PKP1: variants seen among roughly 807,000 people sequenced by gnomAD.
PKP1 encodes the protein plakophilin 1.
Under a neutral mutation model 76.4 loss-of-function variants are expected in PKP1, and 27 were observed. The observed-to-expected ratio is 0.35, with a 90% CI of 0.26 to 0.49. The LOEUF is 0.49. Among genes scored for constraint, PKP1 ranks in the 20% least tolerant of loss-of-function variants. PKP1 has a pLI of 0.99. For synonymous variants in PKP1, 404 were observed against 384.2 expected, an observed-to-expected ratio of 1.05 and a Z score of -0.60; for missense variants, 964 against 955.2, an observed-to-expected ratio of 1.01 and a Z score of -0.12.
chr1:201,292,416 G>A (rs1655945061), intron 1 of PKP1, among the ~76,000 whole-genome samples: 1 of 152,178 alleles, frequency 6.6e-6, no homozygotes, highest in Admixed American at 6.5e-5. Context: ...AGGGCAAGCT[G>A]TGTCTGCCAC....
intron 2 of PKP1, among the ~76,000 whole-genome samples, chr1:201,304,328 T>C (rs1829998): frequency 0.15 from 22,110 of 152,218 alleles, 2,048 homozygotes; most frequent in African/African-American, 0.26. Context: ...TCAGCCCCAG[T>C]TGTGTGTGCT....
At chr1:201,303,933 C>T (rs935922379) in intron 2 of PKP1, among the ~76,000 whole-genome samples, 10 of 152,204 alleles carry the variant, frequency 6.6e-5, no homozygotes, top group Admixed American at 3.9e-4. Context: ...CTCCCCTCAC[C>T]GAGGTGACCT....
In PKP1 at chr1:201,313,212, G is replaced by A; in HGVS notation, c.353G>A (p.Ser118Asn). Residue 118 changes from serine to asparagine, a missense_variant, in exon 3 of 14, where the codon AGC (serine) becomes AAC (asparagine). Transcript: ENST00000367324. The part of the protein sequence containing the change: ...LKREPDNRRF[S>N]SYSQMENWSR... ...CGGGAGCCTGACAACAGGCGCTTCA[G>A]CTCCTACAGCCAGATGGAGAACTGG... 1 of 1,606,174 alleles carries A rather than the reference G, an allele frequency of 6.2e-7. No individual in the cohort carries two copies. The highest frequency in any genetic ancestry group is 8.5e-7 in the Non-Finnish European group (1 of 1,176,756).
chr1:201,297,364 G>A (rs1257723319), intron 2 of PKP1, among the ~76,000 whole-genome samples: 1 of 152,186 alleles, frequency 6.6e-6, no homozygotes, highest in Non-Finnish European at 1.5e-5. Context: ...AGACCTCAGG[G>A]AGAGGAAGCA....
intron 2 of PKP1, 67 bp downstream of exon 2, chr1:201,294,112 A>G (rs1420916981): frequency 1.9e-6 from 2 of 1,078,216 alleles, no homozygotes; most frequent in Non-Finnish European, 2.8e-6. Flanking sequence ...TTTATAGTGG[A>G]GAAAACCGGC....
intron 2 of PKP1, among the ~76,000 whole-genome samples, chr1:201,303,830 C>A (rs1475225216): frequency 6.6e-6 from 1 of 152,106 alleles, no homozygotes. Flanking sequence ...GGGGAGATTC[C>A]GGGTCATATG....
chr1:201,328,247 G>A (rs780778153), intron 12 of PKP1: 6 of 221,356 alleles, frequency 2.7e-5, no homozygotes, highest in Non-Finnish European at 5.4e-5. Flanking sequence ...GCACTCAGGG[G>A]CTAGTGGGGC....
chr1:201,290,626 C>T (rs548148567), intron 1 of PKP1, among the ~76,000 whole-genome samples: 1 of 152,270 alleles, frequency 6.6e-6, no homozygotes, highest in Non-Finnish European at 1.5e-5. Context: ...CCATTCTAAG[C>T]CTCTAAGCAC....
chr1:201,302,049 C>T (rs928939335), intron 2 of PKP1, among the ~76,000 whole-genome samples: 21 of 152,310 alleles, frequency 1.4e-4, no homozygotes, highest in Middle Eastern at 3.4e-3. Flanking sequence ...GTTTCAGCTG[C>T]GCTGTGTCCT....
intron 12 of PKP1, 118 bp from the exon 13 acceptor site, chr1:201,328,644 T>C (rs941441006): frequency 1.2e-6 from 1 of 851,672 alleles, no homozygotes. Flanking sequence ...ATGTACTTAG[T>C]GATAAGAGAG....
intron 3 of PKP1, among the ~76,000 whole-genome samples, chr1:201,315,001 T>G (rs1467310901): frequency 6.6e-6 from 1 of 152,258 alleles, no homozygotes; most frequent in Non-Finnish European, 1.5e-5. Context: ...CCTGTGCTCT[T>G]CCCTACTGGT....
At chr1:201,305,631 G>A (rs1656348063) in intron 2 of PKP1, among the ~76,000 whole-genome samples, 1 of 152,178 alleles carries the variant, frequency 6.6e-6, no homozygotes, top group Admixed American at 6.5e-5. Flanking sequence ...CCACCTCCCA[G>A]CCTTTGGCCC....
rs756567842 is a variant in PKP1 at position 201,313,383 on chromosome 1, A to G, written c.524A>G (p.Lys175Arg). 102 of 1,582,312 alleles carry G rather than the reference A, an allele frequency of 6.4e-5. No homozygotes were observed. The highest frequency in any genetic ancestry group is 8.8e-5 in the Non-Finnish European group (102 of 1,163,824). The change falls in exon 3 of 14, where the codon AAG (lysine) becomes AGG (arginine). Residue 175 changes from lysine to arginine, a missense_variant. Transcript: ENST00000367324. ...GTLRKGTLGSKGQKTTQNRYS... is the reference protein window; with the variant it reads ...GTLRKGTLGSRGQKTTQNRYS... The stretch of plus-strand genomic sequence containing the variant: ...CTGCGCAAGGGCACGCTGGGCAGCA[A>G]GGGCCAGAAGACCACCCAGAACCGC...
In PKP1 at chr1:201,332,266, A is replaced by G. The variant is rs1410701452; in HGVS notation, c.*2225A>G. 2 of 152,418 alleles carry G rather than the reference A, an allele frequency of 1.3e-5. No individual in the cohort carries two copies. Among genetic ancestry groups the G allele is most frequent in the Admixed American group, 1.3e-4 (2 of 15,270 alleles). 9.4% of individuals were successfully genotyped at this position (152,418 alleles called of 1,614,324 possible). A position where few individuals can be genotyped will look rare whatever the true frequency, so the allele number is the denominator to read the frequency against. On this transcript the variant is annotated 3_prime_UTR_variant, in exon 14 of 14. Coordinates refer to ENST00000367324, the MANE Select transcript of PKP1 (RefSeq NM_001005337.3). Reference sequence around the variant, plus strand: ...CCTCATGTTCCTCCCACCTTCAAAGAATGAAGAGCCCCATGGGCCCAGCCC... The same window carrying G: ...CCTCATGTTCCTCCCACCTTCAAAGGATGAAGAGCCCCATGGGCCCAGCCC...
Position 201,330,572 on chromosome 1 carries a change from A to AG in PKP1, c.*532dup, listed in dbSNP as rs1358792429. 6.6e-6 allele frequency: 1 copy of AG among 152,280 alleles called. No homozygotes were observed. The highest frequency in any genetic ancestry group is 1.9e-4 in the East Asian group (1 of 5,202). The allele number at this position is 152,280 out of a possible 1,614,324, so 9.4% of individuals were successfully genotyped here. A position where few individuals can be genotyped will look rare whatever the true frequency, so the allele number is the denominator to read the frequency against. On this transcript the variant is annotated 3_prime_UTR_variant, in exon 14 of 14. Transcript: ENST00000367324. ...GCCAGGGCAAGGGGGCCATCACTGC[A>AG]GTCAGGCCCTCAGAGGAGTCCTGCA... is the stretch of plus-strand genomic sequence containing the variant.
chr1:201,297,119 T>C (rs1318744996), intron 2 of PKP1, among the ~76,000 whole-genome samples: 1 of 152,216 alleles, frequency 6.6e-6, no homozygotes, highest in Non-Finnish European at 1.5e-5. Context: ...TTATAATCTA[T>C]GATTATTCAC....
At chr1:201,302,627 C>G (rs941671939) in intron 2 of PKP1, among the ~76,000 whole-genome samples, 1 of 152,134 alleles carries the variant, frequency 6.6e-6, no homozygotes, top group African/African-American at 2.4e-5. Context: ...CATGTCTCTA[C>G]GGAAGCCTGC....
intron 3 of PKP1, 23 bp from the exon 4 acceptor site, chr1:201,316,530 C>A (rs777074752): frequency 1.3e-6 from 2 of 1,589,736 alleles, no homozygotes; most frequent in Admixed American, 1.7e-5. Flanking sequence ...CCCGTAACCA[C>A]CCCCACTGCC....
At chr1:201,316,297 A>T (rs1358587284) in intron 3 of PKP1, 1 of 498,878 alleles carries the variant, frequency 2.0e-6, no homozygotes, top group Non-Finnish European at 3.6e-6. Flanking sequence ...GAGATAACAT[A>T]CCTGCTAGGA....
Sources: gnomAD v4.1 joint callset for allele counts (sites outside exome capture counted in the v4.1 genomes callset) on GRCh38, gnomAD v4.1.1 for gene constraint, MANE v1.5 for transcripts, NCBI Gene and HGNC (gene_info 2026-07-23, HGNC 2026-07-21) for gene names.